WASF3: variants seen among roughly 807,000 people sequenced by gnomAD.
The protein encoded by WASF3 is actin-binding protein WASF3.
A neutral mutation model predicts 46.6 loss-of-function variants in WASF3; 11 were observed. The observed-to-expected ratio is 0.24, with a 90% CI of 0.15 to 0.39. WASF3 has a LOEUF of 0.39. Among genes scored for constraint, WASF3 ranks in the 10% least tolerant of loss-of-function variants. WASF3 has a pLI of 1.00. For synonymous variants in WASF3, 242 were observed against 259.7 expected, an observed-to-expected ratio of 0.93 and a Z score of 0.65; for missense variants, 576 against 669.8, an observed-to-expected ratio of 0.86 and a Z score of 1.55.
At chr13:26,595,894 G>A (rs1035607148) in intron 1 of WASF3, among the ~76,000 whole-genome samples, 1 of 152,228 alleles carries the variant, frequency 6.6e-6, no homozygotes, top group East Asian at 1.9e-4. Flanking sequence ...AACAATCCAC[G>A]CAAACAACAT....
chr13:26,540,249 C>A, the WASF3 span, among the ~76,000 whole-genome samples: 1 of 152,188 alleles, frequency 6.6e-6, no homozygotes, highest in Non-Finnish European at 1.5e-5. Flanking sequence ...CACCAGAAAT[C>A]TGCCATTCAT....
intron 4 of WASF3, among the ~76,000 whole-genome samples, chr13:26,665,771 A>G (rs888117200): frequency 6.6e-6 from 1 of 152,278 alleles, no homozygotes; most frequent in Non-Finnish European, 1.5e-5. Flanking sequence ...GAAACTATCA[A>G]CGATCCCTTT....
chr13:26,616,359 A>C (rs191741779), intron 2 of WASF3, among the ~76,000 whole-genome samples: 56 of 152,268 alleles, frequency 3.7e-4, no homozygotes, highest in African/African-American at 1.3e-3. Context: ...TTAATGACTA[A>C]TGCTGTTGAG....
chr13:26,585,881 G>C (rs1880114199), intron 1 of WASF3, among the ~76,000 whole-genome samples: 1 of 152,166 alleles, frequency 6.6e-6, no homozygotes. Flanking sequence ...GGAGGTAATA[G>C]CTGAGGATGG....
upstream of WASF3, among the ~76,000 whole-genome samples, chr13:26,554,633 G>C (rs1338413872): frequency 6.6e-6 from 1 of 152,098 alleles, no homozygotes. Flanking sequence ...AATATACTTA[G>C]AATCATACAG....
chr13:26,649,622 C>T (rs1401604026), intron 3 of WASF3, among the ~76,000 whole-genome samples: 2 of 152,172 alleles, frequency 1.3e-5, no homozygotes, highest in Non-Finnish European at 2.9e-5. Context: ...TTGCTGGAGG[C>T]TCATTGAGGA....
intron 3 of WASF3, among the ~76,000 whole-genome samples, chr13:26,645,503 A>G (rs978470196): frequency 2.2e-4 from 34 of 152,184 alleles, no homozygotes; most frequent in African/African-American, 7.7e-4. Flanking sequence ...ATTAGTGTTT[A>G]TTCATTCATT....
intron 2 of WASF3, among the ~76,000 whole-genome samples, chr13:26,621,555 C>T (rs544466897): frequency 6.6e-6 from 1 of 152,186 alleles, no homozygotes; most frequent in East Asian, 1.9e-4. Context: ...ACCCCAGTTC[C>T]CCAATTCCTA....
Position 26,647,822 on chromosome 13 carries a change from A to G in WASF3, c.133+5419A>G, listed in dbSNP as rs564999570. ...ATTAAGATAATATAGAAAATTTAGC[A>G]TAGAAACACACAAAAGAGTCAACTT... On this transcript the variant is annotated intron_variant, in intron 3 of 9. Transcript: ENST00000335327. Among the ~76,000 whole-genome samples the G allele has an allele frequency of 3.3e-5, 5 of 152,216 alleles. No homozygotes were observed. In the East Asian group the frequency reaches 9.6e-4, roughly 29 times the overall value.
intron 2 of WASF3, among the ~76,000 whole-genome samples, chr13:26,636,607 C>G (rs191883249): frequency 1.3e-5 from 2 of 152,362 alleles, no homozygotes; most frequent in East Asian, 3.9e-4. Flanking sequence ...ATGCTGGGAG[C>G]TGCACTGCAG....
intron 3 of WASF3, 138 bp downstream of exon 3, chr13:26,642,541 A>G: frequency 6.3e-6 from 7 of 1,104,398 alleles, no homozygotes; most frequent in Non-Finnish European, 8.7e-6. Flanking sequence ...TCCCAGTATG[A>G]AATTGACCAC....
At chr13:26,584,237 T>G (rs1181554078) in intron 1 of WASF3, among the ~76,000 whole-genome samples, 1 of 152,228 alleles carries the variant, frequency 6.6e-6, no homozygotes, top group Non-Finnish European at 1.5e-5. Flanking sequence ...GTGCTTTTGC[T>G]GGATGACTAG....
chr13:26,585,557 G>A (rs1880104715), intron 1 of WASF3, among the ~76,000 whole-genome samples: 1 of 152,148 alleles, frequency 6.6e-6, no homozygotes, highest in Non-Finnish European at 1.5e-5. Flanking sequence ...CTTTGACTAA[G>A]TTAGATTGTA....
chr13:26,601,487 G>T (rs1453423550), intron 1 of WASF3, among the ~76,000 whole-genome samples: 1 of 152,158 alleles, frequency 6.6e-6, no homozygotes, highest in East Asian at 1.9e-4. Context: ...TGGATGATGG[G>T]GGATGATGGA....
intron 1 of WASF3, among the ~76,000 whole-genome samples, chr13:26,574,927 C>G (rs1879748805): frequency 6.6e-6 from 1 of 151,684 alleles, no homozygotes; most frequent in Admixed American, 6.6e-5. Flanking sequence ...AGCTGCACCT[C>G]CTGGGTTCAC....
At chr13:26,663,811 C>A (rs1355062660) in intron 3 of WASF3, among the ~76,000 whole-genome samples, 1 of 152,098 alleles carries the variant, frequency 6.6e-6, no homozygotes. Flanking sequence ...AAGATTGCAG[C>A]CAAGGGAGTC....
At chr13:26,583,677 TA>T (rs1185810680) in intron 1 of WASF3, among the ~76,000 whole-genome samples, 1 of 152,230 alleles carries the variant, frequency 6.6e-6, no homozygotes, top group East Asian at 1.9e-4. Flanking sequence ...ATGGTGTTTG[TA>T]CTTTACCCTC....
At chr13:26,568,306 C>T (rs910696126) in intron 1 of WASF3, among the ~76,000 whole-genome samples, 1 of 152,072 alleles carries the variant, frequency 6.6e-6, no homozygotes, top group Non-Finnish European at 1.5e-5. Flanking sequence ...GTAGGCATTG[C>T]GAAGTGCTGT....
chr13:26,549,141 C>A, the WASF3 span, among the ~76,000 whole-genome samples: 2,356 of 151,998 alleles, frequency 0.016, 20 homozygotes, highest in African/African-American at 0.027. Flanking sequence ...ACCACCACGC[C>A]CAGCTAATTT....
Sources: allele counts gnomAD v4.1 joint callset (sites outside exome capture counted in the v4.1 genomes callset), GRCh38; gene constraint gnomAD v4.1.1; transcripts MANE v1.5; gene names NCBI Gene and HGNC (gene_info 2026-07-23, HGNC 2026-07-21).